Variants in PDZD2 observed in about 807,000 individuals in gnomAD.
The protein encoded by PDZD2 is PDZ domain containing 2, also known as PDZ domain-containing protein 2.
Under a neutral mutation model 220.7 loss-of-function variants are expected in PDZD2, and 90 were observed. The ratio of observed to expected loss-of-function variants is 0.41; its 90% confidence interval spans 0.34 to 0.49. The LOEUF (loss-of-function observed/expected upper bound fraction) is 0.49, where lower values mean the gene tolerates loss of function less well. PDZD2 is among the 20% of genes least tolerant of loss of function. The probability of loss-of-function intolerance (pLI) is 0.28; values close to 1 mark genes in which losing one functional copy is unlikely to be tolerated. For synonymous variants in PDZD2, 1,375 were observed against 1,450.5 expected (o/e 0.95, Z 1.18); for missense variants, 3,174 against 3,608.5 (o/e 0.88, Z 3.08).
At chr5:31,888,783 T>C (rs1740753443) in intron 2 of PDZD2, among the ~76,000 whole-genome samples, 1 of 152,198 alleles carries the variant, frequency 6.6e-6, no homozygotes, top group African/African-American at 2.4e-5. Context: ...GCCTGTGAGT[T>C]GGAAATCTTT....
chr5:31,725,539 C>T (rs112570345), intron 1 of PDZD2: 3 of 1,403,128 alleles, frequency 2.1e-6, no homozygotes, highest in East Asian at 2.3e-5. Flanking sequence ...CCAGGGGCCA[C>T]TGGACTTAGG....
intron 6 of PDZD2, among the ~76,000 whole-genome samples, chr5:32,014,596 C>T (rs1360482467): frequency 2.0e-5 from 3 of 151,950 alleles, no homozygotes; most frequent in African/African-American, 7.3e-5. Context: ...AGTTTGGTCT[C>T]AGAAATATCA....
intron 2 of PDZD2, among the ~76,000 whole-genome samples, chr5:31,853,860 G>C (rs1415939558): frequency 6.6e-6 from 1 of 152,136 alleles, no homozygotes; most frequent in Non-Finnish European, 1.5e-5. Context: ...CCCAGGGCTT[G>C]AGTGAGTTTG....
At chr5:31,770,820 G>GA (rs5867101) in intron 1 of PDZD2, among the ~76,000 whole-genome samples, 85,996 of 149,382 alleles carry the variant, frequency 0.58, 25,263 homozygotes, top group Middle Eastern at 0.7. Flanking sequence ...CTCAAATTTA[G>GA]AAAAAAAAAA....
chr5:31,893,947 T>A, intron 2 of PDZD2, among the ~76,000 whole-genome samples: 1 of 151,784 alleles, frequency 6.6e-6, no homozygotes, highest in East Asian at 1.9e-4. Context: ...CAGGCTGAAG[T>A]GCAATGGTGC....
chr5:31,946,481 C>G (rs953497212), intron 2 of PDZD2, among the ~76,000 whole-genome samples: 13 of 152,226 alleles, frequency 8.5e-5, no homozygotes, highest in African/African-American at 3.1e-4. Flanking sequence ...GTAAAACATT[C>G]CTTGGGAATA....
chr5:31,784,868 C>G (rs567613288), intron 1 of PDZD2, among the ~76,000 whole-genome samples: 1 of 151,988 alleles, frequency 6.6e-6, no homozygotes, highest in Non-Finnish European at 1.5e-5. Flanking sequence ...GATTGCACCA[C>G]TGCACTCCAG....
intron 2 of PDZD2, among the ~76,000 whole-genome samples, chr5:31,883,937 GC>G (rs1580987560): frequency 1.3e-5 from 2 of 152,172 alleles, no homozygotes; most frequent in East Asian, 3.9e-4. Flanking sequence ...TTAAGGCCGG[GC>G]GCGGTGGCTC....
chr5:31,692,383 G>A (rs556019408), intron 1 of PDZD2, among the ~76,000 whole-genome samples: 30 of 152,332 alleles, frequency 2.0e-4, no homozygotes, highest in Middle Eastern at 6.8e-3. Context: ...AGCTAGCTCC[G>A]GCCTTGGCCA....
chr5:31,703,351 T>A (rs971918136), intron 1 of PDZD2, among the ~76,000 whole-genome samples: 3 of 152,050 alleles, frequency 2.0e-5, no homozygotes, highest in Non-Finnish European at 4.4e-5. Context: ...CTGGAAACCA[T>A]CATTCTCAGC....
intron 2 of PDZD2, among the ~76,000 whole-genome samples, chr5:31,975,547 A>G (rs1749674284): frequency 6.6e-6 from 1 of 152,150 alleles, no homozygotes; most frequent in Admixed American, 6.6e-5. Context: ...GGCGGTGCTC[A>G]GCCCCAGCCA....
chr5:31,688,543 A>AT (rs1746964598), intron 1 of PDZD2, among the ~76,000 whole-genome samples: 1 of 152,044 alleles, frequency 6.6e-6, no homozygotes, highest in Non-Finnish European at 1.5e-5. Flanking sequence ...CTTCCAACCC[A>AT]TTGTCCTACG....
intron 2 of PDZD2, among the ~76,000 whole-genome samples, chr5:31,976,101 T>C (rs986451213): frequency 5.3e-5 from 8 of 152,092 alleles, no homozygotes; most frequent in African/African-American, 1.9e-4. Flanking sequence ...AGGGAGGCTT[T>C]TGGAATCTGT....
chr5:31,752,018 G>T (rs373371349), intron 1 of PDZD2, among the ~76,000 whole-genome samples: 3 of 146,144 alleles, frequency 2.1e-5, no homozygotes, highest in Non-Finnish European at 4.5e-5. Context: ...CTCTCGAGCA[G>T]ATTTCTCTCT....
intron 2 of PDZD2, among the ~76,000 whole-genome samples, chr5:31,833,569 C>G (rs1219995610): frequency 1.3e-5 from 2 of 149,784 alleles, no homozygotes; most frequent in African/African-American, 4.9e-5. Context: ...CAGGCATGAG[C>G]CAGTTGCAGT....
chr5:32,074,697 T>A, intron 18 of PDZD2, 54 bp downstream of exon 18: 1 of 1,196,922 alleles, frequency 8.4e-7, no homozygotes, highest in Non-Finnish European at 1.2e-6. Flanking sequence ...TATGTGTGAG[T>A]GAAGATGGAG....
At chr5:31,674,245 G>A (rs771167229) in intron 1 of PDZD2, among the ~76,000 whole-genome samples, 9 of 152,160 alleles carry the variant, frequency 5.9e-5, no homozygotes, top group Non-Finnish European at 1.3e-4. Context: ...GACAGGTACC[G>A]GTCAGCAGTG....
At chr5:31,733,621 G>A (rs570900560) in intron 1 of PDZD2, among the ~76,000 whole-genome samples, 4 of 152,192 alleles carry the variant, frequency 2.6e-5, no homozygotes, top group South Asian at 2.1e-4. Context: ...AAGCTGGTAC[G>A]ATAGAAGCTT....
chr5:31,749,808 C>T (rs1750831244), intron 1 of PDZD2, among the ~76,000 whole-genome samples: 1 of 152,184 alleles, frequency 6.6e-6, no homozygotes, highest in African/African-American at 2.4e-5. Context: ...GGTTGCTCCA[C>T]AGGCTTTTCC....
Sources: allele counts gnomAD v4.1 joint callset (sites outside exome capture counted in the v4.1 genomes callset), GRCh38; gene constraint gnomAD v4.1.1; transcripts MANE v1.5; gene names NCBI Gene and HGNC (gene_info 2026-07-23, HGNC 2026-07-21).